The following USH2A variants were observed in gnomAD, a reference collection of about 807,000 sequenced individuals.
USH2A encodes Usher syndrome 2A (autosomal recessive, mild).
Under a neutral mutation model 538.9 loss-of-function variants are expected in USH2A, and 443 were observed. That is an observed-to-expected ratio of 0.82 (90% CI 0.76 to 0.89). The LOEUF (loss-of-function observed/expected upper bound fraction) is 0.89. Ranked by LOEUF, USH2A falls within the 40% of genes least tolerant of loss-of-function variation. The pLI, the probability that USH2A is intolerant of heterozygous loss-of-function variation, is 0.00. For synonymous variants in USH2A, 2,413 were observed against 2,273.5 expected (o/e 1.06, Z -1.75); for missense variants, 6,633 against 6,324.8 (o/e 1.05, Z -1.65).
chr1:215,932,215 C>T (rs1666381769), intron 38 of USH2A, among the ~76,000 whole-genome samples: 1 of 151,878 alleles, frequency 6.6e-6, no homozygotes, highest in Admixed American at 6.6e-5. Flanking sequence ...AACAATCCAA[C>T]TATAATGGAA....
intron 14 of USH2A, among the ~76,000 whole-genome samples, chr1:216,222,996 A>G (rs1443100450): frequency 6.6e-6 from 1 of 151,774 alleles, no homozygotes; most frequent in East Asian, 1.9e-4. Flanking sequence ...AAAAAAAAAA[A>G]AAAGATTGTA....
intron 32 of USH2A, among the ~76,000 whole-genome samples, chr1:216,019,768 G>T (rs1175507105): frequency 6.6e-6 from 1 of 152,106 alleles, no homozygotes. Flanking sequence ...TGCTGAGCAA[G>T]TACTCCTTAA....
intron 38 of USH2A, among the ~76,000 whole-genome samples, chr1:215,921,892 T>G (rs1189622576): frequency 6.6e-6 from 1 of 152,100 alleles, no homozygotes; most frequent in Non-Finnish European, 1.5e-5. Flanking sequence ...TAATAAATGC[T>G]ATCTTGGTAT....
intron 20 of USH2A, among the ~76,000 whole-genome samples, chr1:216,185,379 T>C (rs2034578352): frequency 6.6e-6 from 1 of 151,964 alleles, no homozygotes; most frequent in South Asian, 2.1e-4. Context: ...AGCTTTTTAA[T>C]GAAACAGCAA....
Position 215,883,431 on chromosome 1 carries a change from CT to C in USH2A, c.8224-4334del, listed in dbSNP as rs577862084. On this transcript the variant is annotated intron_variant, in intron 41 of 71. Transcript: ENST00000307340. ...ATTGTTTCTAGCTACATATAGCTAT[CT>C]TTTTTTTTTAAGCTACTGAGTTTCT... is the stretch of plus-strand genomic sequence containing the variant. 1.3e-4 allele frequency among the ~76,000 whole-genome samples: 19 copies of C among 147,938 alleles called. No individual in the cohort carries two copies. In the South Asian group the frequency reaches 1.3e-3, roughly 10 times the overall value.
chr1:216,028,219 C>T (rs1558219448), intron 32 of USH2A, among the ~76,000 whole-genome samples: 1 of 151,960 alleles, frequency 6.6e-6, no homozygotes, highest in African/African-American at 2.4e-5. Context: ...GAAACCCTGT[C>T]TCTACTAAAA....
At chr1:215,637,332 C>T (rs1026050214) in intron 69 of USH2A, among the ~76,000 whole-genome samples, 4 of 152,194 alleles carry the variant, frequency 2.6e-5, no homozygotes, top group Admixed American at 6.5e-5. Context: ...CTCCTTGAGT[C>T]TGAATCTCTG....
At chr1:216,176,581 T>C (rs2034387975) in intron 20 of USH2A, among the ~76,000 whole-genome samples, 2 of 152,112 alleles carry the variant, frequency 1.3e-5, no homozygotes, top group African/African-American at 4.8e-5. Context: ...AAGTACATAG[T>C]TTCCATTGGG....
intron 21 of USH2A, among the ~76,000 whole-genome samples, chr1:216,148,498 A>G (rs1457290912): frequency 6.6e-6 from 1 of 152,000 alleles, no homozygotes; most frequent in East Asian, 1.9e-4. Flanking sequence ...TTACCATCTC[A>G]TTAAAACCTA....
intron 16 of USH2A, among the ~76,000 whole-genome samples, chr1:216,203,079 T>C (rs111655127): frequency 0.01 from 1,547 of 152,262 alleles, 27 homozygotes; most frequent in African/African-American, 0.036. Context: ...AACACATGAA[T>C]GATTTTTCTA....
intron 40 of USH2A, among the ~76,000 whole-genome samples, chr1:215,890,445 A>G (rs190145512): frequency 1.9e-3 from 295 of 152,280 alleles, no homozygotes; most frequent in South Asian, 0.015. Context: ...TTTGTCACCA[A>G]CTGGACTGAT....
At chr1:216,292,827 A>G (rs2037028669) in intron 9 of USH2A, among the ~76,000 whole-genome samples, 1 of 152,190 alleles carries the variant, frequency 6.6e-6, no homozygotes, top group Non-Finnish European at 1.5e-5. Flanking sequence ...TCAACATGTT[A>G]ACAACTCTCC....
chr1:216,249,541 G>C (rs978814890), intron 12 of USH2A, among the ~76,000 whole-genome samples: 1 of 152,148 alleles, frequency 6.6e-6, no homozygotes, highest in Non-Finnish European at 1.5e-5. Flanking sequence ...TCAGCATCAT[G>C]GATAGCACAT....
intron 4 of USH2A, among the ~76,000 whole-genome samples, chr1:216,336,296 C>A (rs1207290407): frequency 6.6e-6 from 1 of 151,254 alleles, no homozygotes; most frequent in East Asian, 1.9e-4. Flanking sequence ...CAACAGCTAA[C>A]ATCATATTTA....
intron 9 of USH2A, among the ~76,000 whole-genome samples, chr1:216,297,130 T>C (rs2037122775): frequency 6.6e-6 from 1 of 152,038 alleles, no homozygotes; most frequent in South Asian, 2.1e-4. Context: ...AGCCCTGTGT[T>C]CTTGAGTAAT....
At chr1:216,316,575 G>C (rs1185051578) in intron 9 of USH2A, among the ~76,000 whole-genome samples, 1 of 152,170 alleles carries the variant, frequency 6.6e-6, no homozygotes, top group Non-Finnish European at 1.5e-5. Context: ...CTGAATCAGT[G>C]AGTTGTTGAT....
chr1:216,070,676 A>C (rs1274298466), intron 29 of USH2A, among the ~76,000 whole-genome samples: 2 of 152,264 alleles, frequency 1.3e-5, no homozygotes, highest in Non-Finnish European at 2.9e-5. Flanking sequence ...TATTATACAT[A>C]GTAGTTTGAC....
intron 60 of USH2A, among the ~76,000 whole-genome samples, chr1:215,735,689 AT>A (rs947972936): frequency 4.8e-4 from 73 of 151,058 alleles, no homozygotes; most frequent in African/African-American, 1.7e-3. Flanking sequence ...CATTCCAGAC[AT>A]TTTTTTATAT....
intron 41 of USH2A, among the ~76,000 whole-genome samples, chr1:215,879,531 AAT>A (rs1664856922): frequency 6.6e-6 from 1 of 152,328 alleles, no homozygotes; most frequent in African/African-American, 2.4e-5. Flanking sequence ...GTGACTGCCA[AAT>A]AAGTCACTTT....
Sources: allele counts gnomAD v4.1 joint callset (sites outside exome capture counted in the v4.1 genomes callset), GRCh38; gene constraint gnomAD v4.1.1; transcripts MANE v1.5; gene names NCBI Gene and HGNC (gene_info 2026-07-23, HGNC 2026-07-21).